Variants in SPTAN1 observed in about 807,000 individuals in gnomAD.
The protein encoded by SPTAN1 is spectrin alpha, non-erythrocytic 1, also known as spectrin alpha chain, non-erythrocytic 1.
In SPTAN1, 61 loss-of-function variants were observed where a neutral mutation model predicts 331.3. The ratio of observed to expected loss-of-function variants is 0.18; its 90% confidence interval spans 0.15 to 0.23. The LOEUF is 0.23. Among genes scored for constraint, SPTAN1 ranks in the 10% least tolerant of loss-of-function variants. The pLI, the probability that SPTAN1 is intolerant of heterozygous loss-of-function variation, is 1.00. For synonymous variants in SPTAN1, 1,153 were observed against 1,173.9 expected, an observed-to-expected ratio of 0.98 and a Z score of 0.36; for missense variants, 2,043 against 3,147.9, an observed-to-expected ratio of 0.65 and a Z score of 8.40.
At chr9:128,553,017 A>T (rs890616425) in intron 1 of SPTAN1, 1 of 152,178 alleles carries the variant, frequency 6.6e-6, no homozygotes, top group Non-Finnish European at 1.5e-5. Flanking sequence ...GCCCTGCCCC[A>T]TCCGGCTGCG....
chr9:128,597,944 C>T (rs984376737), intron 24 of SPTAN1, among the ~76,000 whole-genome samples: 4 of 151,880 alleles, frequency 2.6e-5, no homozygotes, highest in South Asian at 4.2e-4. Context: ...CCACCGCACC[C>T]GGCCTGTTTT....
intron 28 of SPTAN1, among the ~76,000 whole-genome samples, 175 bp downstream of exon 28, chr9:128,603,765 T>C (rs2131549175): frequency 6.6e-6 from 1 of 152,258 alleles, no homozygotes; most frequent in East Asian, 1.9e-4. Context: ...GCTGGGTAGC[T>C]TGGTGGCTTT....
At chr9:128,601,371 C>G (rs1260855354) in intron 27 of SPTAN1, 2 of 152,086 alleles carry the variant, frequency 1.3e-5, no homozygotes, top group African/African-American at 4.8e-5. Flanking sequence ...CCTGACCCAG[C>G]TCTTCAGGAA....
chr9:128,585,095 A>G lies in SPTAN1; in HGVS notation c.2560+252A>G, dbSNP rs539363143. ...AGTGGCGCGGTCTCAGCTCAGTGGA[A>G]CCTCTGCTTCCCTAGTTCAAGCAGT... On this transcript the variant is annotated intron_variant, in intron 18 of 56. Transcript: ENST00000372739. 4.6e-5 allele frequency among the ~76,000 whole-genome samples: 7 copies of G among 150,836 alleles called. No individual in the cohort carries two copies. In the East Asian group the frequency reaches 1.4e-3, roughly 29 times the overall value.
chr9:128,605,431 A>C lies in SPTAN1; in HGVS notation c.4000A>C (p.Lys1334Gln). Residue 1334 changes from lysine (K) to glutamine (Q), a missense_variant, in exon 31 of 57, where the codon AAG becomes CAG. Physicochemically the swap from Lys to Gln is moderately conservative, Grantham distance 53 (BLOSUM62 1). Transcript: ENST00000372739. The part of the protein sequence containing the change: ...LGKRADQRKA[K>Q]LGDSHDLQRF... ...GAAACGTGCAGATCAGCGCAAGGCA[A>C]AGTTGGGTGACTCCCACGACCTGCA... 6.2e-7 allele frequency: 1 copy of C among 1,614,184 alleles called. No homozygotes were observed. Among genetic ancestry groups the C allele is most frequent in the Admixed American group, 1.7e-5 (1 of 60,028 alleles).
chr9:128,631,510 G>A (rs1859726220), intron 52 of SPTAN1: 1 of 154,268 alleles, frequency 6.5e-6, no homozygotes. Flanking sequence ...GTCCAGCATG[G>A]GCAATATATA....
intron 48 of SPTAN1, 180 bp downstream of exon 48, chr9:128,626,158 C>T (rs889690499): frequency 1.0e-5 from 9 of 866,306 alleles, no homozygotes; most frequent in East Asian, 2.6e-5. Flanking sequence ...CCTGTGAGAT[C>T]GCCATTCAGA....
At chr9:128,570,220 C>G (rs1850488496) in intron 3 of SPTAN1, among the ~76,000 whole-genome samples, 1 of 150,526 alleles carries the variant, frequency 6.6e-6, no homozygotes, top group African/African-American at 2.5e-5. Context: ...AAGTGTTTGG[C>G]TTCAGTAATT....
At chr9:128,560,090 T>TTTC (rs1849123267) in intron 1 of SPTAN1, among the ~76,000 whole-genome samples, 1 of 149,610 alleles carries the variant, frequency 6.7e-6, no homozygotes, top group Admixed American at 6.7e-5. Context: ...TCACCTTTTT[T>TTTC]TTTTTTTTTA....
intron 31 of SPTAN1, among the ~76,000 whole-genome samples, chr9:128,606,474 T>C (rs1230787672): frequency 8.5e-6 from 1 of 118,096 alleles, no homozygotes; most frequent in Non-Finnish European, 1.7e-5. Context: ...TCCCTAGACA[T>C]ATATATATAT....
At chr9:128,582,362 C>T (rs1852049323) in intron 12 of SPTAN1, 117 bp from the exon 13 acceptor site, 2 of 911,088 alleles carry the variant, frequency 2.2e-6, no homozygotes, top group Non-Finnish European at 3.6e-6. Flanking sequence ...GGGTGAAAAC[C>T]TTGACCTATG....
In SPTAN1 at chr9:128,575,201, A is replaced by G; in HGVS notation, c.507A>G (p.Glu169=). 1 of 1,614,138 alleles carries G rather than the reference A, an allele frequency of 6.2e-7. No homozygotes were observed. ...GCTCTCTTATGGTCCCTGAATAGGA[A>G]GCAATTGTTACTTCTGAAGAGCTGG... ...EDVMDWINDK[E]AIVTSEELGQ... Residue 169 remains glutamate, a splice_region_variant and synonymous_variant, in exon 5 of 57, where the codon GAA becomes GAG. Transcript: ENST00000372739.
chr9:128,625,289 C>A lies in SPTAN1; in HGVS notation c.6069+110C>A. 8.8e-7 allele frequency: 1 copy of A among 1,133,810 alleles called. No individual in the cohort carries two copies. Among genetic ancestry groups the A allele is most frequent in the Non-Finnish European group, 1.3e-6 (1 of 763,756 alleles). 70.2% of individuals were successfully genotyped at this position (1,133,810 alleles called of 1,614,324 possible). On this transcript the variant is annotated intron_variant, in intron 47 of 56. Transcript: ENST00000372739. This position sits in a 1 kb window ranked among gnomAD's most constrained non-coding sequence, Gnocchi z 4.1. ...TCTTCTGTTAGCCCCTGGGGATCAG[C>A]AGGAAAAAGATCCTGTCCTGGTCCT...
intron 3 of SPTAN1, among the ~76,000 whole-genome samples, chr9:128,570,591 G>C (rs915155038): frequency 1.3e-4 from 20 of 152,018 alleles, no homozygotes; most frequent in African/African-American, 4.6e-4. Flanking sequence ...ACCTGCCTCA[G>C]CCTCCCGAAG....
In SPTAN1 at chr9:128,607,896, A is replaced by G; in HGVS notation, c.4191A>G (p.Ala1397=). 1 of 1,614,104 alleles carries G rather than the reference A, an allele frequency of 6.2e-7. No individual in the cohort carries two copies. Among genetic ancestry groups the G allele is most frequent in the Non-Finnish European group, 8.5e-7 (1 of 1,180,022 alleles). The change falls in exon 33 of 57, where the codon GCA becomes GCG. Residue 1397 remains alanine, a synonymous_variant. Transcript: ENST00000372739. ...EIDARAGTFQ[A]FEQFGQQLLA... ...ATGCCAGGGCTGGCACTTTCCAGGC[A>G]TTTGAGCAGTTTGGACAGCAGCTGT...
intron 48 of SPTAN1, 52 bp from the exon 49 acceptor site, chr9:128,626,339 T>C (rs889722979): frequency 4.4e-6 from 7 of 1,605,764 alleles, no homozygotes; most frequent in Middle Eastern, 2.1e-4. Context: ...CTGCACTGCG[T>C]CGGCACGTCC....
chr9:128,607,206 A>C (rs529458809), intron 31 of SPTAN1, among the ~76,000 whole-genome samples: 1 of 151,320 alleles, frequency 6.6e-6, no homozygotes, highest in African/African-American at 2.4e-5. Context: ...GTTGCACCAC[A>C]TTGCCCAAAC....
At chr9:128,557,873 G>T (rs914993335) in intron 1 of SPTAN1, among the ~76,000 whole-genome samples, 3 of 144,318 alleles carry the variant, frequency 2.1e-5, no homozygotes, top group Non-Finnish European at 4.5e-5. Context: ...GCGCGATCTC[G>T]GCTCACTGCA....
intron 43 of SPTAN1, 31 bp from the exon 44 acceptor site, chr9:128,618,840 G>C (rs1857504572): frequency 6.2e-7 from 1 of 1,613,916 alleles, no homozygotes; most frequent in South Asian, 1.1e-5. Context: ...AGGAGATTAT[G>C]GCTGATTTTC....
Sources: gnomAD v4.1 joint callset for allele counts (sites outside exome capture counted in the v4.1 genomes callset) on GRCh38, gnomAD v4.1.1 for gene constraint, Gnocchi (gnomAD v3.1) non-coding constraint, MANE v1.5 for transcripts, NCBI Gene and HGNC (gene_info 2026-07-23, HGNC 2026-07-21) for gene names.